Variants in PDE1A observed in about 807,000 individuals in gnomAD.
The protein encoded by PDE1A is dual specificity calcium/calmodulin-dependent 3',5'-cyclic nucleotide phosphodiesterase 1A.
In PDE1A, 35 loss-of-function variants were observed where a neutral mutation model predicts 61.7. The ratio of observed to expected loss-of-function variants is 0.57; its 90% CI spans 0.43 to 0.75. The LOEUF (loss-of-function observed/expected upper bound fraction) is 0.75. Ranked by LOEUF, PDE1A falls within the 30% of genes least tolerant of loss-of-function variation. The pLI is 0.00. For missense variants in PDE1A, 597 were observed against 630.6 expected (o/e 0.95, Z 0.57); for synonymous variants, 232 against 213.2 (o/e 1.09, Z -0.77).
intron 2 of PDE1A, among the ~76,000 whole-genome samples, chr2:182,499,690 G>A (rs745486023): frequency 3.3e-5 from 5 of 152,174 alleles, no homozygotes; most frequent in African/African-American, 4.8e-5. Flanking sequence ...AATTCTGAGA[G>A]AAAGTATCTT....
chr2:182,408,421 G>A lies in PDE1A; in HGVS notation c.53+18157C>T, dbSNP rs1488939289. ...AAATGTGAACAATACTTACTAGAATGACATACATTTCATAAATAACAAATG... is the reference window on the plus strand; with the variant it reads ...AAATGTGAACAATACTTACTAGAATAACATACATTTCATAAATAACAAATG... On this transcript the variant is annotated intron_variant, in intron 1 of 13. Coordinates refer to ENST00000351439, the Ensembl canonical transcript of PDE1A. Among the ~76,000 whole-genome samples the A allele has an allele frequency of 2.6e-5, 4 of 152,152 alleles. 1 individual carries two copies. The highest frequency in any genetic ancestry group is 2.0e-4 in the Admixed American group (3 of 15,282).
chr2:182,673,368 T>C, the PDE1A span, among the ~76,000 whole-genome samples: 4 of 152,222 alleles, frequency 2.6e-5, no homozygotes, highest in African/African-American at 9.6e-5. Flanking sequence ...CAATGTTCCA[T>C]GGATCTCTTG....
intron 1 of PDE1A, among the ~76,000 whole-genome samples, chr2:182,348,513 G>A (rs1698660306): frequency 6.6e-6 from 1 of 152,010 alleles, no homozygotes; most frequent in African/African-American, 2.4e-5. Context: ...ATTCTCTCAT[G>A]GTTCAGGGAA....
intron 8 of PDE1A, among the ~76,000 whole-genome samples, chr2:182,203,524 T>G (rs1032944630): frequency 6.6e-6 from 1 of 152,174 alleles, no homozygotes; most frequent in Non-Finnish European, 1.5e-5. Flanking sequence ...AGACCCATAT[T>G]TGAAAAGCAA....
At chr2:182,440,798 T>TC (rs397711476) in intron 2 of PDE1A, among the ~76,000 whole-genome samples, 1 of 151,826 alleles carries the variant, frequency 6.6e-6, no homozygotes, top group Non-Finnish European at 1.5e-5. Flanking sequence ...GGTTTTTTTT[T>TC]GCTTTATTTC....
At chr2:182,642,557 G>A in the PDE1A span, among the ~76,000 whole-genome samples, 1 of 152,106 alleles carries the variant, frequency 6.6e-6, no homozygotes, top group Non-Finnish European at 1.5e-5. Flanking sequence ...AGGCCTGGAG[G>A]GTGTGCTATG....
At chr2:182,562,855 A>G in the PDE1A span, among the ~76,000 whole-genome samples, 1 of 152,168 alleles carries the variant, frequency 6.6e-6, no homozygotes, top group Non-Finnish European at 1.5e-5. Flanking sequence ...AGGTGTTTGT[A>G]GTATTCTCTG....
chr2:182,532,967 A>AAAAAAC, the PDE1A span, among the ~76,000 whole-genome samples: 3 of 149,690 alleles, frequency 2.0e-5, no homozygotes, highest in Non-Finnish European at 4.4e-5. Context: ...AAAAAAAAAA[A>AAAAAAC]AAAAAACAAT....
intron 10 of PDE1A, among the ~76,000 whole-genome samples, chr2:182,194,156 T>C (rs1685940773): frequency 6.6e-6 from 1 of 152,118 alleles, no homozygotes; most frequent in African/African-American, 2.4e-5. Flanking sequence ...TTTGTTCAAA[T>C]ATAGATTTTT....
chr2:182,247,701 C>A (rs2623418), intron 2 of PDE1A, among the ~76,000 whole-genome samples: 9 of 151,598 alleles, frequency 5.9e-5, no homozygotes, highest in African/African-American at 2.2e-4. Flanking sequence ...ACTTTTTCAC[C>A]GGCAGATAAT....
chr2:182,226,437 C>T (rs1185729780), intron 6 of PDE1A, among the ~76,000 whole-genome samples: 5 of 149,662 alleles, frequency 3.3e-5, no homozygotes, highest in African/African-American at 1.3e-4. Flanking sequence ...CCACTACAAA[C>T]TAATATAGGA....
intron 2 of PDE1A, among the ~76,000 whole-genome samples, chr2:182,450,699 T>C (rs938048352): frequency 2.6e-5 from 4 of 152,048 alleles, no homozygotes; most frequent in Non-Finnish European, 4.4e-5. Flanking sequence ...GCTTTGGAAA[T>C]TATAATTTCT....
At chr2:182,480,698 A>G (rs1462949379) in intron 2 of PDE1A, among the ~76,000 whole-genome samples, 3 of 151,984 alleles carry the variant, frequency 2.0e-5, no homozygotes, top group Non-Finnish European at 4.4e-5. Context: ...ATGACACTTT[A>G]TATAACGGAC....
intron 1 of PDE1A, among the ~76,000 whole-genome samples, chr2:182,331,550 C>T (rs1431869626): frequency 6.6e-6 from 1 of 152,170 alleles, no homozygotes; most frequent in Non-Finnish European, 1.5e-5. Context: ...CTGGTGGTGA[C>T]AAAATCTCTC....
At chr2:182,669,374 C>A in the PDE1A span, among the ~76,000 whole-genome samples, 3 of 152,198 alleles carry the variant, frequency 2.0e-5, no homozygotes, top group Non-Finnish European at 4.4e-5. Flanking sequence ...AGACTGTTCC[C>A]AGATGTGGGT....
At chr2:182,148,961 T>G (rs967703958) in intron 13 of PDE1A, among the ~76,000 whole-genome samples, 1 of 152,150 alleles carries the variant, frequency 6.6e-6, no homozygotes, top group African/African-American at 2.4e-5. Flanking sequence ...TTGTTTGAAT[T>G]GGGAAAGGGT....
intron 1 of PDE1A, among the ~76,000 whole-genome samples, chr2:182,390,885 T>C (rs1701383870): frequency 6.6e-6 from 1 of 152,212 alleles, no homozygotes; most frequent in Admixed American, 6.5e-5. Flanking sequence ...AACCATGCAC[T>C]GCCTGAGGCA....
intron 2 of PDE1A, among the ~76,000 whole-genome samples, chr2:182,433,972 A>T (rs1212178601): frequency 6.6e-6 from 1 of 152,012 alleles, no homozygotes; most frequent in Non-Finnish European, 1.5e-5. Context: ...ACTCTATTTG[A>T]ATTTCATGTA....
intron 2 of PDE1A, chr2:182,241,924 G>T: frequency 1.3e-6 from 2 of 1,526,962 alleles, no homozygotes; most frequent in South Asian, 1.2e-5. Context: ...TTTGAAATTA[G>T]ATTCCCTAGC....
Sources: gnomAD v4.1 joint callset for allele counts (sites outside exome capture counted in the v4.1 genomes callset) on GRCh38, gnomAD v4.1.1 for gene constraint, MANE v1.5 for transcripts, NCBI Gene and HGNC (gene_info 2026-07-23, HGNC 2026-07-21) for gene names.